Variants in TMEM71 observed in about 807,000 individuals in gnomAD.
The protein encoded by TMEM71 is transmembrane protein 71.
Under a neutral mutation model 38.0 loss-of-function variants are expected in TMEM71, and 44 were observed. That is an observed-to-expected ratio of 1.16 (90% confidence interval 0.91 to 1.49). The LOEUF (loss-of-function observed/expected upper bound fraction) is 1.49, where lower values mean the gene tolerates loss of function less well. TMEM71 is among the 40% of genes most tolerant of loss of function. The pLI is 0.00. For synonymous variants in TMEM71, 133 were observed against 122.5 expected (o/e 1.09, Z -0.56); for missense variants, 367 against 348.6 (o/e 1.05, Z -0.42).
chr8:132,747,104 T>C lies in TMEM71; in HGVS notation c.325A>G (p.Lys109Glu). ...AAGGAATGGCAGATTCTCTTTTTCTTTCTAAATATCCTAGAGAGAAATGAA... is the reference window on the plus strand; with the variant it reads ...AAGGAATGGCAGATTCTCTTTTTCTCTCTAAATATCCTAGAGAGAAATGAA... ...YKENLVRIFR[K>E]KKRICHSFSS... Residue 109 changes from lysine to glutamate, a missense_variant, in exon 5 of 10, where the codon AAG (lysine) becomes GAG (glutamate). Transcript: ENST00000677595. 1 of 1,602,910 alleles carries C rather than the reference T, an allele frequency of 6.2e-7. No individual in the cohort carries two copies. Among genetic ancestry groups the C allele is most frequent in the Non-Finnish European group, 8.5e-7 (1 of 1,175,974 alleles).
At chr8:132,730,062 G>A (rs556068046) in intron 5 of TMEM71, among the ~76,000 whole-genome samples, 4 of 151,982 alleles carry the variant, frequency 2.6e-5, no homozygotes, top group South Asian at 4.2e-4. Context: ...GGGTTCAGGC[G>A]ATTCTCCTGC....
the TMEM71 span, among the ~76,000 whole-genome samples, chr8:132,774,901 A>G: frequency 6.6e-6 from 1 of 152,240 alleles, no homozygotes; most frequent in Non-Finnish European, 1.5e-5. Context: ...CAATTGTAAT[A>G]CAGTTGTACA....
intron 1 of TMEM71, among the ~76,000 whole-genome samples, chr8:132,759,728 A>G (rs1172394903): frequency 6.6e-6 from 1 of 152,214 alleles, no homozygotes; most frequent in Non-Finnish European, 1.5e-5. Context: ...TAACATGAGA[A>G]CTAGTAATGG....
At chr8:132,767,945 C>T in the TMEM71 span, among the ~76,000 whole-genome samples, 3 of 151,960 alleles carry the variant, frequency 2.0e-5, no homozygotes, top group African/African-American at 7.3e-5. Context: ...GATGACATTG[C>T]GAGATCACAA....
At chr8:132,712,305 T>C (rs1466960545) in intron 9 of TMEM71, among the ~76,000 whole-genome samples, 2 of 152,018 alleles carry the variant, frequency 1.3e-5, no homozygotes, top group Non-Finnish European at 2.9e-5. Flanking sequence ...CATAAATGAG[T>C]CAGAAGATAA....
In TMEM71 at chr8:132,751,881, T is replaced by C. The variant is rs748538516; in HGVS notation, c.218A>G (p.Tyr73Cys). ...CAGGAAGCTGTCTTCAGTCCAAATA[T>C]AGTAGCCATTGGTGAGGAGTCTGGG... The part of the protein sequence containing the change: ...RSPRLLTNGY[Y>C]IWTEDSFLCD... The change falls in exon 4 of 10, where the codon TAT becomes TGT. Residue 73 changes from tyrosine (Y) to cysteine (C), a missense_variant. Coordinates refer to ENST00000677595, the MANE Select transcript of TMEM71 (RefSeq NM_001382403.1). 3.1e-6 allele frequency: 5 copies of C among 1,614,058 alleles called. No individual in the cohort carries two copies. The South Asian group carries it at 3.3e-5, about 11-fold the overall frequency.
At chr8:132,757,176 A>C (rs1043534788) in intron 3 of TMEM71, 58 bp downstream of exon 3, 1 of 1,320,582 alleles carries the variant, frequency 7.6e-7, no homozygotes, top group African/African-American at 1.5e-5. Flanking sequence ...GATTACAGGC[A>C]TGAGCCACCA....
chr8:132,729,115 G>A (rs1563747360), intron 5 of TMEM71, among the ~76,000 whole-genome samples: 1 of 152,202 alleles, frequency 6.6e-6, no homozygotes, highest in African/African-American at 2.4e-5. Flanking sequence ...GCAACTTCAA[G>A]TTTCAAACAT....
intron 3 of TMEM71, among the ~76,000 whole-genome samples, chr8:132,754,100 T>A (rs1375013177): frequency 6.6e-6 from 1 of 152,174 alleles, no homozygotes; most frequent in Non-Finnish European, 1.5e-5. Flanking sequence ...TTAAATATCA[T>A]GCCAACCATA....
chr8:132,710,618 C>T lies in TMEM71; in HGVS notation c.*349G>A, dbSNP rs1826186026. The T allele has an allele frequency of 2.1e-6, 1 of 482,716 alleles. No homozygotes were observed. Among genetic ancestry groups the T allele is most frequent in the African/African-American group, 2.0e-5 (1 of 49,360 alleles). The allele number at this position is 482,716 out of a possible 1,614,324, so 29.9% of individuals were successfully genotyped here. On this transcript the variant is annotated 3_prime_UTR_variant, in exon 10 of 10. Transcript: ENST00000677595. ...CCCAGAAATCTGGTTACAAGCTCCT[C>T]ACAGAATTTCCTAATGAAAATTCAA...
At chr8:132,731,969 G>C (rs942776998) in intron 5 of TMEM71, among the ~76,000 whole-genome samples, 1 of 152,194 alleles carries the variant, frequency 6.6e-6, no homozygotes, top group Non-Finnish European at 1.5e-5. Flanking sequence ...AGAGGAATTG[G>C]GAGGTGGAGC....
rs376494998 is a variant in TMEM71, at chr8:132,722,142, A to G, written c.677-27T>C. On this transcript the variant is annotated intron_variant, in intron 6 of 9. Coordinates refer to ENST00000677595, the MANE Select transcript of TMEM71 (RefSeq NM_001382403.1). ...TAATAGGAAGAACAAAAACAAATAA[A>G]TTAGAAATCATTGCTGATTCAATCA... 3.9e-6 allele frequency: 6 copies of G among 1,526,374 alleles called. No individual in the cohort carries two copies. In the African/African-American group the frequency reaches 4.1e-5, roughly 10 times the overall value. The allele number at this position is 1,526,374 out of a possible 1,614,324, so 94.6% of individuals were successfully genotyped here. A position where few individuals can be genotyped will look rare whatever the true frequency, so the allele number is the denominator to read the frequency against.
chr8:132,761,759 T>C (rs1041616903), upstream of TMEM71, among the ~76,000 whole-genome samples: 1 of 152,226 alleles, frequency 6.6e-6, no homozygotes, highest in African/African-American at 2.4e-5. Flanking sequence ...TTCCATCTTG[T>C]TGGACTCTAT....
At chr8:132,748,028 C>T (rs891748201) in intron 4 of TMEM71, among the ~76,000 whole-genome samples, 2 of 152,292 alleles carry the variant, frequency 1.3e-5, no homozygotes, top group Admixed American at 6.5e-5. Context: ...TTCACTGTTG[C>T]GTATCTGCCT....
Position 132,710,186 on chromosome 8 carries a change from G to C in TMEM71, c.*781C>G, listed in dbSNP as rs1032062378. The stretch of plus-strand genomic sequence containing the variant: ...GAACATCTACAGCCCTTGAGTCAAG[G>C]CTCAAGGGTACAACTGCACCATTTT... On this transcript the variant is annotated 3_prime_UTR_variant, in exon 10 of 10. Transcript: ENST00000677595. 1.3e-5 allele frequency: 2 copies of C among 152,058 alleles called. No individual in the cohort carries two copies. Among genetic ancestry groups the C allele is most frequent in the Non-Finnish European group, 2.9e-5 (2 of 68,008 alleles). The allele number at this position is 152,058 out of a possible 1,614,324, so 9.4% of individuals were successfully genotyped here. A position where few individuals can be genotyped will look rare whatever the true frequency, so the allele number is the denominator to read the frequency against.
intron 7 of TMEM71, among the ~76,000 whole-genome samples, chr8:132,714,970 A>G (rs1826425690): frequency 6.6e-6 from 1 of 152,088 alleles, no homozygotes; most frequent in African/African-American, 2.4e-5. Context: ...GATGTTCAAC[A>G]TCATTCCTCA....
chr8:132,750,213 A>G (rs1828628577), intron 4 of TMEM71, among the ~76,000 whole-genome samples: 1 of 152,292 alleles, frequency 6.6e-6, no homozygotes. Flanking sequence ...CTTTTCATTG[A>G]AATAGAAATC....
At chr8:132,768,846 A>G in the TMEM71 span, among the ~76,000 whole-genome samples, 2 of 152,260 alleles carry the variant, frequency 1.3e-5, no homozygotes, top group African/African-American at 4.8e-5. Context: ...AGATAGTGTT[A>G]TTGCTTTCTG....
Position 132,727,901 on chromosome 8 carries a change from G to C in TMEM71, c.573C>G (p.Ser191Arg). ...CTCCAGGAGGCTGAGATATGATGTG[G>C]CTGGAAGAGGAGGTGATCACAGACT... ...NAESVITSSS[S>R]HIISQPPGGN... The change falls in exon 6 of 10, where the codon AGC becomes AGG. Residue 191 changes from serine to arginine, a missense_variant. By Grantham distance (110) the Ser-to-Arg change is moderately radical. Transcript: ENST00000677595. The C allele has an allele frequency of 1.2e-6, 2 of 1,614,074 alleles. No individual in the cohort carries two copies. The highest frequency in any genetic ancestry group is 8.5e-7 in the Non-Finnish European group (1 of 1,179,958).
Sources: gnomAD v4.1 joint callset for allele counts (sites outside exome capture counted in the v4.1 genomes callset) on GRCh38, gnomAD v4.1.1 for gene constraint, MANE v1.5 for transcripts, NCBI Gene and HGNC (gene_info 2026-07-23, HGNC 2026-07-21) for gene names.